The following FAM210A variants were observed in gnomAD, a reference collection of about 807,000 sequenced individuals.
FAM210A encodes family with sequence similarity 210 member A.
A neutral mutation model predicts 25.3 loss-of-function variants in FAM210A; 13 were observed. The observed-to-expected ratio is 0.51, with a 90% CI of 0.33 to 0.82. The LOEUF (loss-of-function observed/expected upper bound fraction) is 0.82, where lower values mean the gene tolerates loss of function less well. Ranked by LOEUF, FAM210A falls within the 40% of genes least tolerant of loss-of-function variation. FAM210A has a pLI of 0.02. For synonymous variants in FAM210A, 125 were observed against 118.7 expected (o/e 1.05, Z -0.35); for missense variants, 319 against 323.2 (o/e 0.99, Z 0.10).
At chr18:13,693,910 G>C (rs2043670458) in intron 1 of FAM210A, among the ~76,000 whole-genome samples, 1 of 152,136 alleles carries the variant, frequency 6.6e-6, no homozygotes, top group Admixed American at 6.5e-5. Context: ...ATAAATAAAG[G>C]GTATTCAATT....
chr18:13,671,415 G>A (rs980501183), intron 3 of FAM210A, among the ~76,000 whole-genome samples: 3 of 151,994 alleles, frequency 2.0e-5, no homozygotes, highest in Admixed American at 1.3e-4. Flanking sequence ...ATTTATCAAC[G>A]GGAGCAATGT....
intron 1 of FAM210A, among the ~76,000 whole-genome samples, chr18:13,714,810 T>C (rs1350256307): frequency 6.6e-6 from 1 of 152,198 alleles, no homozygotes; most frequent in African/African-American, 2.4e-5. Context: ...GGATAAGAAA[T>C]AATTCATTAT....
intron 3 of FAM210A, 32 bp downstream of exon 3, chr18:13,671,830 C>T (rs763708470): frequency 1.4e-6 from 2 of 1,425,602 alleles, no homozygotes; most frequent in Non-Finnish European, 2.0e-6. Context: ...CCAGTGAGTT[C>T]TGAGGAGCAA....
chr18:13,725,415 T>C (rs892236617), intron 1 of FAM210A, among the ~76,000 whole-genome samples: 7 of 152,156 alleles, frequency 4.6e-5, no homozygotes, highest in Admixed American at 3.9e-4. Flanking sequence ...AATTTAGAAG[T>C]GATTAGATTG....
chr18:13,666,530 T>G lies in FAM210A; in HGVS notation c.769A>C (p.Lys257Gln), dbSNP rs371575474. Residue 257 changes from lysine (K) to glutamine (Q), a missense_variant, in exon 4 of 4, where the codon AAG becomes CAG. By Grantham distance (53) the Lys-to-Gln change is moderately conservative. Transcript: ENST00000651643. ...MEETKDRLTEKLQETKEKVSF... is the reference protein window; with the variant it reads ...MEETKDRLTEQLQETKEKVSF... The stretch of plus-strand genomic sequence containing the variant: ...ACTTTTTCTTTGGTTTCTTGTAACT[T>G]TTCAGTGAGTCTATCTTTTGTTTCT... 1.9e-5 allele frequency: 31 copies of G among 1,614,092 alleles called. No homozygotes were observed. In the African/African-American group the frequency reaches 3.9e-4, roughly 20 times the overall value.
At chr18:13,681,227 G>A (rs2043550667) in intron 2 of FAM210A, among the ~76,000 whole-genome samples, 2 of 152,164 alleles carry the variant, frequency 1.3e-5, no homozygotes, top group Admixed American at 1.3e-4. Flanking sequence ...TGTATGCTTT[G>A]AGATCAGACG....
At chr18:13,695,575 G>T (rs1438979268) in intron 1 of FAM210A, among the ~76,000 whole-genome samples, 1 of 152,194 alleles carries the variant, frequency 6.6e-6, no homozygotes, top group Non-Finnish European at 1.5e-5. Context: ...GGACATGGAT[G>T]AAGCTGGAAA....
At chr18:13,702,316 A>G (rs1443093576) in intron 1 of FAM210A, among the ~76,000 whole-genome samples, 1 of 152,238 alleles carries the variant, frequency 6.6e-6, no homozygotes, top group Admixed American at 6.5e-5. Flanking sequence ...AGCTGCAGCC[A>G]ATTTGGTATG....
At chr18:13,714,491 G>C (rs1172833065) in intron 1 of FAM210A, among the ~76,000 whole-genome samples, 1 of 152,194 alleles carries the variant, frequency 6.6e-6, no homozygotes, top group Non-Finnish European at 1.5e-5. Flanking sequence ...AATTCCTAAG[G>C]AGTAACTGAA....
intron 2 of FAM210A, among the ~76,000 whole-genome samples, chr18:13,676,353 C>A (rs2043501809): frequency 8.5e-6 from 1 of 117,534 alleles, no homozygotes; most frequent in Admixed American, 8.6e-5. Flanking sequence ...GAGCCCCTGA[C>A]CTCTTTATTT....
chr18:13,712,265 T>C (rs985802348), intron 1 of FAM210A, among the ~76,000 whole-genome samples: 3 of 152,212 alleles, frequency 2.0e-5, no homozygotes, highest in East Asian at 3.8e-4. Context: ...CTTGTCTTCA[T>C]AGACCTAACT....
At chr18:13,703,164 T>C (rs2043754072) in intron 1 of FAM210A, among the ~76,000 whole-genome samples, 1 of 152,214 alleles carries the variant, frequency 6.6e-6, no homozygotes, top group African/African-American at 2.4e-5. Flanking sequence ...ATATCTAACA[T>C]TTTTTACTTT....
intron 1 of FAM210A, among the ~76,000 whole-genome samples, chr18:13,699,198 A>G (rs981453313): frequency 2.0e-5 from 3 of 152,252 alleles, no homozygotes; most frequent in Admixed American, 1.3e-4. Context: ...GTCTGTTGAC[A>G]GTACTTTCTG....
intron 3 of FAM210A, among the ~76,000 whole-genome samples, chr18:13,669,251 T>C (rs933885937): frequency 2.6e-5 from 4 of 152,144 alleles, no homozygotes; most frequent in Admixed American, 2.6e-4. Flanking sequence ...CCATGGTCTG[T>C]TACTAGAGCA....
rs549701423 is a variant in FAM210A at position 13,717,524 on chromosome 18, T to G, written c.-29+8805A>C. 9.2e-5 allele frequency among the ~76,000 whole-genome samples: 14 copies of G among 152,252 alleles called. No homozygotes were observed. In the South Asian group the frequency reaches 2.5e-3, roughly 27 times the overall value. ...GAATTACTCGAATTCTAAAGCACTT[T>G]GGACTTACGTTGGTCAGCTGCATGA... is the stretch of plus-strand genomic sequence containing the variant. On this transcript the variant is annotated intron_variant, in intron 1 of 3. Transcript: ENST00000651643.
At chr18:13,687,710 A>G (rs1405890981) in intron 1 of FAM210A, 1 of 152,214 alleles carries the variant, frequency 6.6e-6, no homozygotes, top group African/African-American at 2.4e-5. Flanking sequence ...CAGCCTATAA[A>G]GTCCTAGGAT....
Position 13,666,416 on chromosome 18 carries a change from T to TA in FAM210A, c.*63_*64insT. The TA allele has an allele frequency of 7.6e-7, 1 of 1,309,662 alleles. No homozygotes were observed. Among genetic ancestry groups the TA allele is most frequent in the Non-Finnish European group, 1.1e-6 (1 of 932,322 alleles). The allele number at this position is 1,309,662 out of a possible 1,614,324, so 81.1% of individuals were successfully genotyped here. A position where few individuals can be genotyped will look rare whatever the true frequency, so the allele number is the denominator to read the frequency against. ...CCAAAAAAATAATCAGACACATGTATCTTTGCCCATAGTTTCCAAAGGGTT... is the reference window on the plus strand; with the variant it reads ...CCAAAAAAATAATCAGACACATGTATACTTTGCCCATAGTTTCCAAAGGGTT... On this transcript the variant is annotated 3_prime_UTR_variant, in exon 4 of 4. Coordinates refer to ENST00000651643, the MANE Select transcript of FAM210A (RefSeq NM_152352.4).
rs768002196 is a variant in FAM210A at position 13,671,973 on chromosome 18, T to C, written c.474A>G (p.Lys158=). 3 of 1,571,258 alleles carry C rather than the reference T, an allele frequency of 1.9e-6. No individual in the cohort carries two copies. The highest frequency in any genetic ancestry group is 4.5e-5 in the East Asian group (2 of 44,578). The part of the protein sequence containing the change: ...WFGTFYYAAL[K]GVNVVPFLEL... ...CTAGAAAAGGAACGACATTCACTCC[T>C]CTACAAAAAAAAAAAAGTAATTTTC... The change falls in exon 3 of 4, where the codon AAA becomes AAG. Residue 158 remains lysine (K), a splice_region_variant and synonymous_variant. Coordinates refer to ENST00000651643, the MANE Select transcript of FAM210A (RefSeq NM_152352.4).
chr18:13,724,986 C>A (rs1022183602), intron 1 of FAM210A, among the ~76,000 whole-genome samples: 1 of 152,150 alleles, frequency 6.6e-6, no homozygotes, highest in East Asian at 1.9e-4. Flanking sequence ...GTTGGCCAGG[C>A]TGGTCTCAAA....
Sources: allele counts gnomAD v4.1 joint callset (sites outside exome capture counted in the v4.1 genomes callset), GRCh38; gene constraint gnomAD v4.1.1; transcripts MANE v1.5; gene names NCBI Gene and HGNC (gene_info 2026-07-23, HGNC 2026-07-21).